DEXI: variants seen among roughly 807,000 people sequenced by gnomAD.
The protein encoded by DEXI is dexamethasone-induced protein.
DEXI carries 2 observed loss-of-function variants against 2.5 expected under a neutral mutation model. The observed-to-expected ratio is 0.81, with a 90% confidence interval of 0.33 to 2.55. The LOEUF is 2.55. Ranked by LOEUF, DEXI falls within the 30% of genes most tolerant of loss-of-function variation. The pLI is 0.11. For missense variants in DEXI, 108 were observed against 130.3 expected (o/e 0.83, Z 0.83); for synonymous variants, 71 against 68.7 (o/e 1.03, Z -0.17).
At chr16:10,935,923 G>C (rs2041005079) in intron 1 of DEXI, 1 of 152,062 alleles carries the variant, frequency 6.6e-6, no homozygotes, top group South Asian at 2.1e-4. Flanking sequence ...TGCAAAAGCT[G>C]ATCTGGGATT....
chr16:10,941,554 A>G lies in DEXI; in HGVS notation c.*149+15T>C. ...GCCCCAACCCGCCCTCATCCTGTTCAGAGAGGGCACTTACAGGCCTCGGAG... is the reference window on the plus strand; with the variant it reads ...GCCCCAACCCGCCCTCATCCTGTTCGGAGAGGGCACTTACAGGCCTCGGAG... On this transcript the variant is annotated intron_variant, in intron 1 of 1. Coordinates refer to ENST00000331808, the MANE Select transcript of DEXI (RefSeq NM_014015.4). This position sits in a 1 kb window ranked among gnomAD's most constrained non-coding sequence, Gnocchi z 6.4. 6.9e-7 allele frequency: 1 copy of G among 1,443,436 alleles called. No individual in the cohort carries two copies. The highest frequency in any genetic ancestry group is 9.1e-7 in the Non-Finnish European group (1 of 1,096,332). The allele number at this position is 1,443,436 out of a possible 1,614,324, so 89.4% of individuals were successfully genotyped here.
chr16:10,938,118 T>C lies in DEXI; in HGVS notation c.*149+3451A>G, dbSNP rs974499707. 7.9e-5 allele frequency: 12 copies of C among 152,230 alleles called. No individual in the cohort carries two copies. Among genetic ancestry groups the C allele is most frequent in the African/African-American group, 2.9e-4 (12 of 41,460 alleles). The allele number at this position is 152,230 out of a possible 1,614,324, so 9.4% of individuals were successfully genotyped here. ...TGGTTAATATTAATACATCTCTTAC[T>C]ATATACAAGGAGATCTAAGTGCTTT... On this transcript the variant is annotated intron_variant, in intron 1 of 1. Transcript: ENST00000331808. The surrounding 1 kb of genome is among the most constrained non-coding windows in gnomAD (Gnocchi z 4.9).
chr16:10,942,118 C>A lies in DEXI; in HGVS notation c.-113G>T. ...CATCCAGGGGTACCCTGGAGCCCGA[C>A]AGAAGCAGGGCCGGGCTCCAGATGT... On this transcript the variant is annotated 5_prime_UTR_variant, in exon 1 of 2. Coordinates refer to ENST00000331808, the MANE Select transcript of DEXI (RefSeq NM_014015.4). The surrounding 1 kb of genome is among the most constrained non-coding windows in gnomAD (Gnocchi z 5.0). 3 of 785,582 alleles carry A rather than the reference C, an allele frequency of 3.8e-6. No individual in the cohort carries two copies. Among genetic ancestry groups the A allele is most frequent in the Non-Finnish European group, 3.6e-6 (2 of 554,334 alleles). 48.7% of individuals were successfully genotyped at this position (785,582 alleles called of 1,614,324 possible). A position where few individuals can be genotyped will look rare whatever the true frequency, so the allele number is the denominator to read the frequency against.
chr16:10,941,804 C>T lies in DEXI; in HGVS notation c.202G>A (p.Val68Met), dbSNP rs972512520. The change falls in exon 1 of 2, where the codon GTG (valine) becomes ATG (methionine). Residue 68 changes from valine to methionine, a missense_variant. Transcript: ENST00000331808. This position sits in a 1 kb window ranked among gnomAD's most constrained non-coding sequence, Gnocchi z 6.4. Reference sequence around the variant, plus strand: ...GGGTCGGAGAGCACGCCGAGGTCCACGAGCGCCTGGTCCATGTCCTCGGGC... The same window carrying T: ...GGGTCGGAGAGCACGCCGAGGTCCATGAGCGCCTGGTCCATGTCCTCGGGC... ...FLPEDMDQAL[V>M]DLGVLSDPGS... The T allele has an allele frequency of 6.2e-7, 1 of 1,613,600 alleles. No individual in the cohort carries two copies. The highest frequency in any genetic ancestry group is 8.5e-7 in the Non-Finnish European group (1 of 1,179,848).
Position 10,939,353 on chromosome 16 carries a change from A to C in DEXI, c.*149+2216T>G, listed in dbSNP as rs1194266783. 1 of 152,224 alleles carries C rather than the reference A, an allele frequency of 6.6e-6. No individual in the cohort carries two copies. The highest frequency in any genetic ancestry group is 1.5e-5 in the Non-Finnish European group (1 of 68,074). 9.4% of individuals were successfully genotyped at this position (152,224 alleles called of 1,614,324 possible). A position where few individuals can be genotyped will look rare whatever the true frequency, so the allele number is the denominator to read the frequency against. On this transcript the variant is annotated intron_variant, in intron 1 of 1. Transcript: ENST00000331808. This position sits in a 1 kb window ranked among gnomAD's most constrained non-coding sequence, Gnocchi z 4.9. ...CCAGAGTCATTTTTGCAAAATGGGA[A>C]TGGGATTGTGTCATCTCCTGCCTAG... is the stretch of plus-strand genomic sequence containing the variant.
In DEXI at chr16:10,941,599, T is replaced by G; in HGVS notation, c.*119A>C. On this transcript the variant is annotated 3_prime_UTR_variant, in exon 1 of 2. Coordinates refer to ENST00000331808, the MANE Select transcript of DEXI (RefSeq NM_014015.4). The surrounding 1 kb of genome is among the most constrained non-coding windows in gnomAD (Gnocchi z 6.4). ...TCGGAGGCAGGGGAGGGTCTCCTCC[T>G]GGGGAACCATCCCCGTCCAGATGGT... is the stretch of plus-strand genomic sequence containing the variant. 1 of 1,486,304 alleles carries G rather than the reference T, an allele frequency of 6.7e-7. No individual in the cohort carries two copies. The highest frequency in any genetic ancestry group is 1.4e-5 in the South Asian group (1 of 71,426). 92.1% of individuals were successfully genotyped at this position (1,486,304 alleles called of 1,614,324 possible). A position where few individuals can be genotyped will look rare whatever the true frequency, so the allele number is the denominator to read the frequency against.
rs1034229805 is a variant in DEXI, at chr16:10,940,345, T to C, written c.*149+1224A>G. The C allele has an allele frequency of 1.3e-5, 2 of 152,236 alleles. No individual in the cohort carries two copies. The highest frequency in any genetic ancestry group is 2.9e-5 in the Non-Finnish European group (2 of 68,044). The allele number at this position is 152,236 out of a possible 1,614,324, so 9.4% of individuals were successfully genotyped here. A position where few individuals can be genotyped will look rare whatever the true frequency, so the allele number is the denominator to read the frequency against. ...ATAAATGTTTAAGTCCCCCAGCCTATGGTGTTCTGTTATAGCAGACTGAAC... is the reference window on the plus strand; with the variant it reads ...ATAAATGTTTAAGTCCCCCAGCCTACGGTGTTCTGTTATAGCAGACTGAAC... On this transcript the variant is annotated intron_variant, in intron 1 of 1. Transcript: ENST00000331808. This position sits in a 1 kb window ranked among gnomAD's most constrained non-coding sequence, Gnocchi z 4.2.
chr16:10,935,417 G>A (rs997434334), intron 1 of DEXI: 3 of 152,204 alleles, frequency 2.0e-5, no homozygotes, highest in Non-Finnish European at 4.4e-5. Context: ...GACTTTAGCT[G>A]GCTTTGGTAT....
Position 10,942,382 on chromosome 16 carries a change from G to A in DEXI, c.-377C>T. 1 of 173,304 alleles carries A rather than the reference G, an allele frequency of 5.8e-6. No individual in the cohort carries two copies. Among genetic ancestry groups the A allele is most frequent in the South Asian group, 1.2e-4 (1 of 8,414 alleles). 10.7% of individuals were successfully genotyped at this position (173,304 alleles called of 1,614,324 possible). ...TCCCGGCAGCCTTCTCTCCCGCCCC[G>A]CCCCGCAGGTCCTCGCGCACCCCCC... is the stretch of plus-strand genomic sequence containing the variant. On this transcript the variant is annotated 5_prime_UTR_variant, in exon 1 of 2. Transcript: ENST00000331808. The surrounding 1 kb of genome is among the most constrained non-coding windows in gnomAD (Gnocchi z 5.0).
rs2040684562 is a variant in DEXI, at chr16:10,929,520, G to T, written c.*189C>A. The T allele has an allele frequency of 3.0e-6, 3 of 985,422 alleles. No individual in the cohort carries two copies. Among genetic ancestry groups the T allele is most frequent in the South Asian group, 9.4e-5 (2 of 21,284 alleles). The allele number at this position is 985,422 out of a possible 1,614,324, so 61.0% of individuals were successfully genotyped here. Reference sequence around the variant, plus strand: ...CTTCCACTCTCCTGGGTTCAAACAGGAACCTCTCTGTTGGCACGAAGCTTT... The same window carrying T: ...CTTCCACTCTCCTGGGTTCAAACAGTAACCTCTCTGTTGGCACGAAGCTTT... On this transcript the variant is annotated 3_prime_UTR_variant, in exon 2 of 2. Coordinates refer to ENST00000331808, the MANE Select transcript of DEXI (RefSeq NM_014015.4). The surrounding 1 kb of genome is among the most constrained non-coding windows in gnomAD (Gnocchi z 4.3).
Position 10,942,221 on chromosome 16 carries a change from T to G in DEXI, c.-216A>C. On this transcript the variant is annotated 5_prime_UTR_variant, in exon 1 of 2. Coordinates refer to ENST00000331808, the MANE Select transcript of DEXI (RefSeq NM_014015.4). This position sits in a 1 kb window ranked among gnomAD's most constrained non-coding sequence, Gnocchi z 5.0. ...CCCGAGATGTGCCCCCAAGGATCTC[T>G]CGACCGCCCGGGCGGCGAGGCGGGC... is the stretch of plus-strand genomic sequence containing the variant. 6.2e-4 allele frequency: 237 copies of G among 385,056 alleles called. No individual in the cohort carries two copies. Among genetic ancestry groups the G allele is most frequent in the East Asian group, 1.2e-3 (25 of 20,356 alleles). The allele number at this position is 385,056 out of a possible 1,614,324, so 23.9% of individuals were successfully genotyped here.
intron 1 of DEXI, chr16:10,933,867 T>C (rs2040904878): frequency 1.3e-5 from 2 of 152,254 alleles, no homozygotes; most frequent in Non-Finnish European, 2.9e-5. Context: ...TCCTCCACGC[T>C]GGTGACAGGC....
Position 10,939,006 on chromosome 16 carries a change from G to C in DEXI, c.*149+2563C>G, listed in dbSNP as rs545965880. 1 of 152,352 alleles carries C rather than the reference G, an allele frequency of 6.6e-6. No individual in the cohort carries two copies. Among genetic ancestry groups the C allele is most frequent in the South Asian group, 2.1e-4 (1 of 4,828 alleles). The allele number at this position is 152,352 out of a possible 1,614,324, so 9.4% of individuals were successfully genotyped here. Reference sequence around the variant, plus strand: ...TTCAAAGTCAAATGCTTGGCTTGGAGACAGGGATTTATCTTGGGATCGCAG... The same window carrying C: ...TTCAAAGTCAAATGCTTGGCTTGGACACAGGGATTTATCTTGGGATCGCAG... On this transcript the variant is annotated intron_variant, in intron 1 of 1. Coordinates refer to ENST00000331808, the MANE Select transcript of DEXI (RefSeq NM_014015.4). This position sits in a 1 kb window ranked among gnomAD's most constrained non-coding sequence, Gnocchi z 4.9.
In DEXI at chr16:10,941,786, A is replaced by G. The variant is rs2041106008; in HGVS notation, c.220T>C (p.Ser74Pro). 6.2e-7 allele frequency: 1 copy of G among 1,613,600 alleles called. No homozygotes were observed. Among genetic ancestry groups the G allele is most frequent in the African/African-American group, 1.3e-5 (1 of 74,930 alleles). The change falls in exon 1 of 2, where the codon TCC becomes CCC. Residue 74 changes from serine (S) to proline (P), a missense_variant. Transcript: ENST00000331808. The surrounding 1 kb of genome is among the most constrained non-coding windows in gnomAD (Gnocchi z 6.4). ...TCGTAAAGGCCCGAGCCGGGGTCGG[A>G]GAGCACGCCGAGGTCCACGAGCGCC... ...DQALVDLGVLSDPGSGLYDAD... is the reference protein window; with the variant it reads ...DQALVDLGVLPDPGSGLYDAD...
chr16:10,941,827 G>A lies in DEXI; in HGVS notation c.179C>T (p.Pro60Leu). The part of the protein sequence containing the change: ...IVLNVGLVFL[P>L]EDMDQALVDL... Reference sequence around the variant, plus strand: ...CACGAGCGCCTGGTCCATGTCCTCGGGCAGGAAGACGAGGCCCACGTTGAG... The same window carrying A: ...CACGAGCGCCTGGTCCATGTCCTCGAGCAGGAAGACGAGGCCCACGTTGAG... The change falls in exon 1 of 2, where the codon CCC (proline) becomes CTC (leucine). Residue 60 changes from proline (P) to leucine (L), a missense_variant. Transcript: ENST00000331808. This position sits in a 1 kb window ranked among gnomAD's most constrained non-coding sequence, Gnocchi z 6.4. The A allele has an allele frequency of 6.2e-7, 1 of 1,613,484 alleles. No individual in the cohort carries two copies. Among genetic ancestry groups the A allele is most frequent in the Non-Finnish European group, 8.5e-7 (1 of 1,179,872 alleles).
intron 1 of DEXI, chr16:10,931,855 C>T (rs1316430300): frequency 2.0e-5 from 3 of 152,364 alleles, no homozygotes; most frequent in African/African-American, 7.2e-5. Context: ...CACGCCACTG[C>T]ACTATAGCCT....
At position 10,942,261 on chromosome 16, in the gene DEXI, C is replaced by T. The variant is rs952019882; in HGVS notation, c.-256G>A. 2.9e-6 allele frequency: 1 copy of T among 344,492 alleles called. No individual in the cohort carries two copies. Among genetic ancestry groups the T allele is most frequent in the Non-Finnish European group, 5.3e-6 (1 of 190,026 alleles). 21.3% of individuals were successfully genotyped at this position (344,492 alleles called of 1,614,324 possible). A position where few individuals can be genotyped will look rare whatever the true frequency, so the allele number is the denominator to read the frequency against. On this transcript the variant is annotated 5_prime_UTR_variant, in exon 1 of 2. Coordinates refer to ENST00000331808, the MANE Select transcript of DEXI (RefSeq NM_014015.4). This position sits in a 1 kb window ranked among gnomAD's most constrained non-coding sequence, Gnocchi z 5.0. ...GCGAGGCGGGCCCCCCTGAAGTGGC[C>T]CGCGGCTGCCCGGCTCCCTCGTGGC...
At position 10,929,401 on chromosome 16, in the gene DEXI, C is replaced by T. The variant is rs912401191; in HGVS notation, c.*308G>A. On this transcript the variant is annotated 3_prime_UTR_variant, in exon 2 of 2. Coordinates refer to ENST00000331808, the MANE Select transcript of DEXI (RefSeq NM_014015.4). The surrounding 1 kb of genome is among the most constrained non-coding windows in gnomAD (Gnocchi z 4.3). Reference sequence around the variant, plus strand: ...AGCCAAGGCCAGGCCATCGATTTGACACTGCAGGCAGATGAGGTCTTGGGA... The same window carrying T: ...AGCCAAGGCCAGGCCATCGATTTGATACTGCAGGCAGATGAGGTCTTGGGA... 1.5e-5 allele frequency: 15 copies of T among 985,908 alleles called. No homozygotes were observed. The highest frequency in any genetic ancestry group is 1.8e-5 in the Non-Finnish European group (15 of 829,956). 61.1% of individuals were successfully genotyped at this position (985,908 alleles called of 1,614,324 possible).
In DEXI at chr16:10,938,489, G is replaced by A; in HGVS notation, c.*149+3080C>T. On this transcript the variant is annotated intron_variant, in intron 1 of 1. Coordinates refer to ENST00000331808, the MANE Select transcript of DEXI (RefSeq NM_014015.4). This position sits in a 1 kb window ranked among gnomAD's most constrained non-coding sequence, Gnocchi z 4.9. ...CACTGTTTCCTGGATTGGCGTGTGG[G>A]GAACACATGTGACCACATGAGAATG... 1 of 152,208 alleles carries A rather than the reference G, an allele frequency of 6.6e-6. No homozygotes were observed. The allele number at this position is 152,208 out of a possible 1,614,324, so 9.4% of individuals were successfully genotyped here. A position where few individuals can be genotyped will look rare whatever the true frequency, so the allele number is the denominator to read the frequency against.
Sources: gnomAD v4.1 joint callset for allele counts on GRCh38, gnomAD v4.1.1 for gene constraint, Gnocchi (gnomAD v3.1) non-coding constraint, MANE v1.5 for transcripts, NCBI Gene and HGNC (gene_info 2026-07-23, HGNC 2026-07-21) for gene names.